The following ESRRG variants were observed in gnomAD, a reference collection of about 807,000 sequenced individuals.
ESRRG encodes the protein estrogen related receptor gamma.
Under a neutral mutation model 44.0 loss-of-function variants are expected in ESRRG, and 13 were observed. The observed-to-expected ratio is 0.30, with a 90% CI of 0.19 to 0.47. The LOEUF is 0.47. ESRRG is among the 20% of genes least tolerant of loss of function. The pLI, the probability that ESRRG is intolerant of heterozygous loss-of-function variation, is 1.00. For missense variants in ESRRG, 395 were observed against 580.6 expected, an observed-to-expected ratio of 0.68 and a Z score of 3.29; for synonymous variants, 215 against 214.6, an observed-to-expected ratio of 1.00 and a Z score of -0.02.
chr1:216,916,245 A>G (rs2061149806), intron 2 of ESRRG, among the ~76,000 whole-genome samples: 1 of 152,224 alleles, frequency 6.6e-6, no homozygotes, highest in Admixed American at 6.5e-5. Context: ...CTGTGTTATC[A>G]GCCAGGGACC....
At chr1:216,559,695 A>C (rs981690628) in intron 5 of ESRRG, among the ~76,000 whole-genome samples, 1 of 152,194 alleles carries the variant, frequency 6.6e-6, no homozygotes, top group Admixed American at 6.5e-5. Context: ...CTAATCACTT[A>C]ATGGTGCTAC....
At chr1:216,842,142 T>A (rs1415183130) in intron 2 of ESRRG, among the ~76,000 whole-genome samples, 1 of 152,194 alleles carries the variant, frequency 6.6e-6, no homozygotes, top group African/African-American at 2.4e-5. Context: ...CCAAAGATCA[T>A]TTTTGATGCA....
chr1:216,767,809 G>T (rs374612666), intron 2 of ESRRG, among the ~76,000 whole-genome samples: 64 of 152,144 alleles, frequency 4.2e-4, no homozygotes, highest in African/African-American at 1.5e-3. Context: ...GGACAAAATG[G>T]GTAGAAAAAG....
At chr1:216,582,861 G>A (rs1395819173) in intron 3 of ESRRG, among the ~76,000 whole-genome samples, 1 of 152,174 alleles carries the variant, frequency 6.6e-6, no homozygotes, top group Non-Finnish European at 1.5e-5. Context: ...TTTTGGAACA[G>A]TCTAGGAGGA....
intron 2 of ESRRG, among the ~76,000 whole-genome samples, chr1:216,893,853 C>T (rs749585393): frequency 6.6e-6 from 1 of 152,162 alleles, no homozygotes; most frequent in African/African-American, 2.4e-5. Flanking sequence ...AGGAAGGCTG[C>T]TTCATGATTA....
intron 3 of ESRRG, among the ~76,000 whole-genome samples, chr1:216,649,248 G>A (rs115043771): frequency 6.6e-6 from 1 of 152,146 alleles, no homozygotes; most frequent in African/African-American, 2.4e-5. Flanking sequence ...CTGGAACATG[G>A]GAAGACCTTA....
At chr1:216,981,157 G>A (rs900666465) in intron 1 of ESRRG, among the ~76,000 whole-genome samples, 4 of 152,156 alleles carry the variant, frequency 2.6e-5, no homozygotes, top group African/African-American at 7.2e-5. Flanking sequence ...CAGCAAGAAC[G>A]TTATCGAGTG....
chr1:216,908,634 C>T (rs1289116618), intron 2 of ESRRG, among the ~76,000 whole-genome samples: 8 of 151,712 alleles, frequency 5.3e-5, no homozygotes, highest in Non-Finnish European at 1.2e-4. Flanking sequence ...TGTGAGAGTC[C>T]CCTCAAATCA....
chr1:216,782,301 G>A (rs2093963616), intron 2 of ESRRG, among the ~76,000 whole-genome samples: 1 of 151,966 alleles, frequency 6.6e-6, no homozygotes, highest in East Asian at 1.9e-4. Context: ...GTCTCTCATG[G>A]CATTGCCACC....
chr1:216,869,096 T>G (rs1399340324), intron 2 of ESRRG, among the ~76,000 whole-genome samples: 5 of 152,180 alleles, frequency 3.3e-5, no homozygotes, highest in Admixed American at 3.3e-4. Context: ...TTTTGTTTTA[T>G]GGATTATATT....
At chr1:217,026,316 A>G (rs2081171356) in intron 1 of ESRRG, among the ~76,000 whole-genome samples, 1 of 152,254 alleles carries the variant, frequency 6.6e-6, no homozygotes, top group South Asian at 2.1e-4. Context: ...AGATGCCAAG[A>G]AATGCTTCAT....
intron 2 of ESRRG, among the ~76,000 whole-genome samples, chr1:216,923,044 G>A (rs1045450642): frequency 7.9e-5 from 12 of 152,014 alleles, no homozygotes; most frequent in African/African-American, 7.3e-5. Context: ...TGGTCCACTC[G>A]GGTTCTTTAA....
At chr1:217,055,686 C>G (rs1006631268) in intron 1 of ESRRG, among the ~76,000 whole-genome samples, 8 of 152,090 alleles carry the variant, frequency 5.3e-5, no homozygotes, top group Admixed American at 1.3e-4. Context: ...GTCTGCCACA[C>G]AGGGTCATTC....
At chr1:216,589,617 G>C (rs922241134) in intron 3 of ESRRG, among the ~76,000 whole-genome samples, 3 of 152,008 alleles carry the variant, frequency 2.0e-5, no homozygotes, top group Admixed American at 1.3e-4. Context: ...TCCAAACTAA[G>C]GGAAGAGAAA....
intron 3 of ESRRG, among the ~76,000 whole-genome samples, chr1:216,614,324 T>C (rs943617018): frequency 7.0e-6 from 1 of 143,778 alleles, no homozygotes; most frequent in African/African-American, 2.6e-5. Context: ...TTTGTGACCC[T>C]CTGTGACATC....
At chr1:216,656,364 G>C (rs1377222525) in intron 2 of ESRRG, among the ~76,000 whole-genome samples, 1 of 152,162 alleles carries the variant, frequency 6.6e-6, no homozygotes, top group Non-Finnish European at 1.5e-5. Context: ...GAAGCTCTCG[G>C]TTTTTAAACC....
chr1:216,853,060 T>C (rs542629745), intron 2 of ESRRG, among the ~76,000 whole-genome samples: 92 of 152,352 alleles, frequency 6.0e-4, no homozygotes, highest in African/African-American at 2.1e-3. Flanking sequence ...TCCCAAACTT[T>C]GTAATACTCT....
At chr1:216,892,545 T>C (rs1203372991) in intron 2 of ESRRG, among the ~76,000 whole-genome samples, 1 of 152,176 alleles carries the variant, frequency 6.6e-6, no homozygotes, top group African/African-American at 2.4e-5. Flanking sequence ...TTCAGTTCCT[T>C]CTATCCTCTT....
chr1:216,520,300 G>T (rs1219230761), intron 5 of ESRRG, among the ~76,000 whole-genome samples: 1 of 151,920 alleles, frequency 6.6e-6, no homozygotes, highest in Admixed American at 6.6e-5. Flanking sequence ...TAAACATTAA[G>T]CTATAACCTG....
Sources: allele counts gnomAD v4.1 joint callset (sites outside exome capture counted in the v4.1 genomes callset), GRCh38; gene constraint gnomAD v4.1.1; transcripts MANE v1.5; gene names NCBI Gene and HGNC (gene_info 2026-07-23, HGNC 2026-07-21).